The following MAP2 variants were observed in gnomAD, a reference collection of about 807,000 sequenced individuals.
MAP2 encodes microtubule-associated protein 2.
Under a neutral mutation model 137.6 loss-of-function variants are expected in MAP2, and 14 were observed. That is an observed-to-expected ratio of 0.10 (90% confidence interval 0.07 to 0.16). The LOEUF is 0.16. MAP2 is among the 10% of genes least tolerant of loss of function. The pLI is 1.00. For synonymous variants in MAP2, 786 were observed against 782.3 expected, an observed-to-expected ratio of 1.00 and a Z score of -0.08; for missense variants, 2,088 against 2,191.5, an observed-to-expected ratio of 0.95 and a Z score of 0.94.
At chr2:209,616,847 G>A (rs975082048) in intron 3 of MAP2, among the ~76,000 whole-genome samples, 2 of 152,182 alleles carry the variant, frequency 1.3e-5, no homozygotes, top group African/African-American at 4.8e-5. Flanking sequence ...AACACCACAG[G>A]CTGGGGGGCT....
chr2:209,694,098 G>C lies in MAP2; in HGVS notation c.1928G>C (p.Ser643Thr). ...GCAGGGTACAGCACTCTCGCACAGA[G>C]TTATCCATCAGATTTACCTGAAGAA... is the stretch of plus-strand genomic sequence containing the variant. ...QEAGYSTLAQSYPSDLPEEPS... is the reference protein window; with the variant it reads ...QEAGYSTLAQTYPSDLPEEPS... The change falls in exon 8 of 16, where the codon AGT (serine) becomes ACT (threonine). Residue 643 changes from serine (S) to threonine (T), a missense_variant. Ser to Thr is a moderately conservative substitution (Grantham distance 58). Transcript: ENST00000682079. The C allele has an allele frequency of 6.2e-7, 1 of 1,613,856 alleles. No homozygotes were observed. Among genetic ancestry groups the C allele is most frequent in the Non-Finnish European group, 8.5e-7 (1 of 1,179,916 alleles).
At chr2:209,472,262 G>C (rs115794060) in intron 1 of MAP2, among the ~76,000 whole-genome samples, 1 of 152,172 alleles carries the variant, frequency 6.6e-6, no homozygotes, top group Non-Finnish European at 1.5e-5. Flanking sequence ...ATGGCCTTCA[G>C]AGCAAGTGTG....
At chr2:209,725,886 G>A (rs982152580) in intron 14 of MAP2, 96 bp downstream of exon 14, 3 of 662,420 alleles carry the variant, frequency 4.5e-6, no homozygotes, top group Non-Finnish European at 7.3e-6. Context: ...CTAATTGGAA[G>A]GATGTTTTAA....
intron 2 of MAP2, among the ~76,000 whole-genome samples, chr2:209,559,468 T>C (rs1322727957): frequency 1.8e-5 from 2 of 112,376 alleles, no homozygotes; most frequent in Non-Finnish European, 3.3e-5. Context: ...ACTCCATCTC[T>C]GCCAAAAATA....
intron 5 of MAP2, chr2:209,661,572 A>G: frequency 1.0e-6 from 1 of 985,466 alleles, no homozygotes; most frequent in Non-Finnish European, 1.2e-6. Context: ...CCGATGGATG[A>G]GGACAGAAAA....
At position 209,730,296 on chromosome 2, in the gene MAP2, A is replaced by G; in HGVS notation, c.5383A>G (p.Ser1795Gly). Reference sequence around the variant, plus strand: ...CAGCGTGGCATCACCCCGACGACTCAGCAATGTCTCCTCGTCTGGAAGCAT... The same window carrying G: ...CAGCGTGGCATCACCCCGACGACTCGGCAATGTCTCCTCGTCTGGAAGCAT... ...RSSVASPRRLSNVSSSGSINL... is the reference protein window; with the variant it reads ...RSSVASPRRLGNVSSSGSINL... The change falls in exon 16 of 16, where the codon AGC becomes GGC. Residue 1795 changes from serine to glycine, a missense_variant. Coordinates refer to ENST00000682079, the MANE Select transcript of MAP2 (RefSeq NM_001375505.1). 1.2e-6 allele frequency: 2 copies of G among 1,614,156 alleles called. No individual in the cohort carries two copies. Among genetic ancestry groups the G allele is most frequent in the South Asian group, 1.1e-5 (1 of 91,076 alleles).
chr2:209,617,250 C>G (rs1409064560), intron 3 of MAP2, among the ~76,000 whole-genome samples: 1 of 152,050 alleles, frequency 6.6e-6, no homozygotes, highest in Admixed American at 6.5e-5. Flanking sequence ...AAACTGCTTC[C>G]TAGGCCTTCA....
In MAP2 at chr2:209,692,857, T is replaced by G; in HGVS notation, c.687T>G (p.Thr229=). 1 of 1,613,616 alleles carries G rather than the reference T, an allele frequency of 6.2e-7. No individual in the cohort carries two copies. The highest frequency in any genetic ancestry group is 1.1e-5 in the South Asian group (1 of 90,990). Residue 229 remains threonine (T), a synonymous_variant, in exon 8 of 16, where the codon ACT becomes ACG. Transcript: ENST00000682079. The part of the protein sequence containing the change: ...EKAPLALFGH[T]LVASLEDMKQ... ...CACCCCTAGCTTTGTTTGGGCACAC[T>G]CTTGTTGCCAGCCTGGAAGACATGA...
chr2:209,476,058 C>G (rs770633119), intron 1 of MAP2, among the ~76,000 whole-genome samples: 1 of 151,614 alleles, frequency 6.6e-6, no homozygotes, highest in Admixed American at 6.6e-5. Context: ...AACTTCTCAT[C>G]TTAAAAAAAA....
At chr2:209,672,055 G>T (rs2049072496) in intron 5 of MAP2, among the ~76,000 whole-genome samples, 1 of 151,932 alleles carries the variant, frequency 6.6e-6, no homozygotes, top group African/African-American at 2.4e-5. Flanking sequence ...AAAGCCTGAG[G>T]TTGTCTTAAA....
At chr2:209,444,537 G>A (rs573436787) in intron 1 of MAP2, among the ~76,000 whole-genome samples, 110 of 151,466 alleles carry the variant, frequency 7.3e-4, no homozygotes, top group Non-Finnish European at 1.2e-3. Flanking sequence ...AACCTGGGCT[G>A]GGCTGATATT....
chr2:209,563,671 G>T (rs1438596857), intron 2 of MAP2, among the ~76,000 whole-genome samples: 1 of 152,182 alleles, frequency 6.6e-6, no homozygotes, highest in Non-Finnish European at 1.5e-5. Flanking sequence ...AGACCAAGAT[G>T]ATATTAACAT....
intron 1 of MAP2, among the ~76,000 whole-genome samples, chr2:209,449,251 T>TA (rs1447257478): frequency 8.0e-4 from 121 of 152,150 alleles, no homozygotes; most frequent in Non-Finnish European, 1.2e-3. Context: ...GCACTTTTTT[T>TA]AAAAAATTAA....
intron 3 of MAP2, among the ~76,000 whole-genome samples, chr2:209,612,778 T>G (rs1485959536): frequency 2.6e-5 from 4 of 152,228 alleles, no homozygotes; most frequent in African/African-American, 9.6e-5. Context: ...AGTCAACTTC[T>G]CTATGACATG....
intron 1 of MAP2, among the ~76,000 whole-genome samples, chr2:209,473,137 A>C (rs1170534319): frequency 6.6e-6 from 1 of 152,090 alleles, no homozygotes; most frequent in Admixed American, 6.6e-5. Context: ...CTTCCTGCTT[A>C]GTGTTGTGCT....
chr2:209,435,022 C>G (rs1429188312), intron 1 of MAP2, among the ~76,000 whole-genome samples: 1 of 147,354 alleles, frequency 6.8e-6, no homozygotes, highest in Non-Finnish European at 1.5e-5. Context: ...GAATTATATC[C>G]AAAATATGGG....
chr2:209,716,732 AT>A (rs372267112), intron 13 of MAP2, among the ~76,000 whole-genome samples: 12,354 of 149,190 alleles, frequency 0.083, 540 homozygotes, highest in Non-Finnish European at 0.1. Flanking sequence ...TTAGGTACTG[AT>A]TTTTTTTTTG....
At chr2:209,431,787 G>T (rs1694344801) in intron 1 of MAP2, among the ~76,000 whole-genome samples, 1 of 152,050 alleles carries the variant, frequency 6.6e-6, no homozygotes, top group Non-Finnish European at 1.5e-5. Flanking sequence ...AGTCATACCT[G>T]CCCAACTTCG....
intron 12 of MAP2, among the ~76,000 whole-genome samples, chr2:209,706,412 T>C (rs1209230604): frequency 6.6e-6 from 1 of 152,116 alleles, no homozygotes; most frequent in Admixed American, 6.6e-5. Context: ...ATATAGATAC[T>C]AAACTCTTAA....
Sources: allele counts gnomAD v4.1 joint callset (sites outside exome capture counted in the v4.1 genomes callset), GRCh38; gene constraint gnomAD v4.1.1; transcripts MANE v1.5; gene names NCBI Gene and HGNC (gene_info 2026-07-23, HGNC 2026-07-21).